Variants in GARIN5A observed in about 807,000 individuals in gnomAD.
The protein encoded by GARIN5A is golgi associated RAB2 interactor 5A.
chr19:50,472,697 C>G, the GARIN5A span, among the ~76,000 whole-genome samples: 233 of 152,208 alleles, frequency 1.5e-3, no homozygotes, highest in African/African-American at 5.3e-3. Flanking sequence ...GAGTTCGAGA[C>G]CAGCTTGGGC....
chr19:50,473,277 C>T, the GARIN5A span, among the ~76,000 whole-genome samples: 5 of 151,616 alleles, frequency 3.3e-5, no homozygotes, highest in African/African-American at 1.2e-4. Context: ...TGAGTTTGTC[C>T]TTCCTTCCTT....
chr19:50,471,759 T>C, the GARIN5A span, among the ~76,000 whole-genome samples: 11 of 140,498 alleles, frequency 7.8e-5, no homozygotes, highest in African/African-American at 2.8e-4. Context: ...CATGCATGTG[T>C]ATACGCATAC....
At chr19:50,470,268 C>G in the GARIN5A span, among the ~76,000 whole-genome samples, 2 of 152,302 alleles carry the variant, frequency 1.3e-5, no homozygotes, top group East Asian at 1.9e-4. Context: ...AATCGCAGCA[C>G]TTTGGGAGGC....
chr19:50,476,041 G>T, the GARIN5A span: 1 of 1,606,878 alleles, frequency 6.2e-7, no homozygotes, highest in Non-Finnish European at 8.5e-7. Context: ...GGAGAGGACG[G>T]GGTATCAGAT....
the GARIN5A span, among the ~76,000 whole-genome samples, chr19:50,471,692 ATACGCATACATGCACG>A: frequency 1.4e-5 from 2 of 147,044 alleles, no homozygotes; most frequent in Non-Finnish European, 2.9e-5. Context: ...ACGTGTGTGT[ATACGCATACATGCACG>A]TGTGTGTATA....
chr19:50,467,894 CA>C, the GARIN5A span: 1 of 1,499,780 alleles, frequency 6.7e-7, no homozygotes, highest in East Asian at 2.4e-5. Context: ...CCGTCGGGGT[CA>C]GGGGTCCCCA....
chr19:50,475,956 CA>C, the GARIN5A span: 1 of 1,610,614 alleles, frequency 6.2e-7, no homozygotes, highest in African/African-American at 1.3e-5. Flanking sequence ...GGCATTTTAC[CA>C]GGACGAAGTC....
chr19:50,472,096 A>G, the GARIN5A span, among the ~76,000 whole-genome samples: 1 of 141,038 alleles, frequency 7.1e-6, no homozygotes, highest in Admixed American at 6.9e-5. Flanking sequence ...GTATATGTAT[A>G]TGTATATATA....
the GARIN5A span, among the ~76,000 whole-genome samples, chr19:50,474,270 C>T: frequency 2.6e-5 from 4 of 151,282 alleles, no homozygotes; most frequent in Admixed American, 2.0e-4. Context: ...ACCTCCACCT[C>T]TTGGGTTCAA....
At chr19:50,476,378 G>A in the GARIN5A span, 23 of 1,561,534 alleles carry the variant, frequency 1.5e-5, no homozygotes, top group African/African-American at 3.0e-4. Flanking sequence ...AGGCCAAAGG[G>A]GCGGCCCCAT....
the GARIN5A span, chr19:50,475,882 T>C: frequency 6.2e-7 from 1 of 1,613,912 alleles, no homozygotes. Flanking sequence ...CTGGTCGAAT[T>C]CGCCGCTCTG....
the GARIN5A span, among the ~76,000 whole-genome samples, chr19:50,472,191 T>TATGTATACATGTGTATATGTATGTATAC: frequency 4.4e-4 from 64 of 145,964 alleles, 2 homozygotes; most frequent in African/African-American, 1.6e-3. Context: ...TGTATACATG[T>TATGTATACATGTGTATATGTATGTATAC]ATGTGTGCAT....
the GARIN5A span, among the ~76,000 whole-genome samples, chr19:50,469,513 G>A: frequency 6.6e-6 from 1 of 152,198 alleles, no homozygotes; most frequent in Non-Finnish European, 1.5e-5. Flanking sequence ...GTCCAGTGGT[G>A]AAAGTTTCCC....
chr19:50,471,926 A>G, the GARIN5A span, among the ~76,000 whole-genome samples: 1 of 151,558 alleles, frequency 6.6e-6, no homozygotes, highest in African/African-American at 2.4e-5. Context: ...ATGTGTATAT[A>G]CATGTATGTG....
chr19:50,468,781 T>C, the GARIN5A span, among the ~76,000 whole-genome samples: 5 of 152,058 alleles, frequency 3.3e-5, no homozygotes, highest in African/African-American at 1.2e-4. Context: ...TTTCTATTTT[T>C]ATATAGTAGA....
chr19:50,475,903 T>C, the GARIN5A span: 9 of 1,613,790 alleles, frequency 5.6e-6, no homozygotes, highest in African/African-American at 1.1e-4. Flanking sequence ...GAGGTAGCGT[T>C]GGAGCCGTCT....
At chr19:50,475,740 A>T in the GARIN5A span, 2 of 918,886 alleles carry the variant, frequency 2.2e-6, no homozygotes, top group Admixed American at 1.9e-5. Context: ...ATCCCACGAG[A>T]TGGACGTTAT....
the GARIN5A span, chr19:50,467,613 C>A: frequency 3.9e-6 from 6 of 1,553,888 alleles, no homozygotes; most frequent in Non-Finnish European, 5.2e-6. Context: ...CATCTACATC[C>A]TCCAGCACCT....
the GARIN5A span, among the ~76,000 whole-genome samples, chr19:50,474,248 C>T: frequency 1.3e-5 from 2 of 151,356 alleles, no homozygotes; most frequent in African/African-American, 4.9e-5. Context: ...GGGATGATCT[C>T]GGCTCACTGC....
Sources: gnomAD v4.1 joint callset for allele counts (sites outside exome capture counted in the v4.1 genomes callset) on GRCh38, gnomAD v4.1.1 for gene constraint, MANE v1.5 for transcripts, NCBI Gene and HGNC (gene_info 2026-07-23, HGNC 2026-07-21) for gene names.